The following HOXA3 variants were observed in gnomAD, a reference collection of about 807,000 sequenced individuals.
HOXA3 encodes homeobox A3.
Under a neutral mutation model 30.3 loss-of-function variants are expected in HOXA3, and 8 were observed. That is an observed-to-expected ratio of 0.26 (90% CI 0.15 to 0.48). The LOEUF is 0.48. Ranked by LOEUF, HOXA3 falls within the 20% of genes least tolerant of loss-of-function variation. The pLI, the probability that HOXA3 is intolerant of heterozygous loss-of-function variation, is 0.99. For synonymous variants in HOXA3, 323 were observed against 273.1 expected (o/e 1.18, Z -1.80); for missense variants, 653 against 614.4 (o/e 1.06, Z -0.66).
At chr7:27,143,804 CTAGAGG>C (rs1782659525) in intron 1 of HOXA3, 1 of 1,042,860 alleles carries the variant, frequency 9.6e-7, no homozygotes, top group African/African-American at 1.7e-5. Flanking sequence ...CTGATGACCT[CTAGAGG>C]TAAACTCGTG....
At chr7:27,148,408 C>CTCCCTCAT in intron 1 of HOXA3, among the ~76,000 whole-genome samples, 1 of 152,376 alleles carries the variant, frequency 6.6e-6, no homozygotes, top group East Asian at 1.9e-4. Flanking sequence ...AATCGGTGAA[C>CTCCCTCAT]TCCCTCATTC....
In HOXA3 at chr7:27,138,255, G is replaced by A. The variant is rs190376830; in HGVS notation, c.-390+1828C>T. Among the ~76,000 whole-genome samples, 88 of 152,298 alleles carry A rather than the reference G, an allele frequency of 5.8e-4. 1 individual carries two copies. The highest frequency in any genetic ancestry group is 1.4e-3 in the Admixed American group (22 of 15,306). On this transcript the variant is annotated intron_variant, in intron 2 of 5. Transcript: ENST00000612286. ...GATTCTTCACCTTGCCACTATTCAT[G>A]AGAAGTAGCACTTGTGGGAGGGTTT...
intron 3 of HOXA3, among the ~76,000 whole-genome samples, chr7:27,126,146 G>A (rs952337875): frequency 6.6e-6 from 1 of 152,174 alleles, no homozygotes; most frequent in Non-Finnish European, 1.5e-5. Flanking sequence ...ACTAGGGAAG[G>A]AAGCCTGCAA....
At chr7:27,138,930 G>C (rs1056279247) in intron 2 of HOXA3, among the ~76,000 whole-genome samples, 1 of 152,134 alleles carries the variant, frequency 6.6e-6, no homozygotes, top group Non-Finnish European at 1.5e-5. Context: ...CTTTTAAGTT[G>C]GGCACTGAAG....
chr7:27,108,086 G>T lies in HOXA3; in HGVS notation c.1161C>A (p.His387Gln), dbSNP rs765096151. The T allele has an allele frequency of 1.2e-6, 2 of 1,612,892 alleles. No individual in the cohort carries two copies. Among genetic ancestry groups the T allele is most frequent in the Non-Finnish European group, 1.7e-6 (2 of 1,179,184 alleles). The change falls in exon 6 of 6, where the codon CAC becomes CAA. Residue 387 changes from histidine to glutamine, a missense_variant. This residue lies in a region of HOXA3 where 330 missense variants were observed against 274.4 expected (regional missense o/e 1.20). Transcript: ENST00000612286. This position sits in a 1 kb window ranked among gnomAD's most constrained non-coding sequence, Gnocchi z 5.0. The part of the protein sequence containing the change: ...NSGPALFGLT[H>Q]LPHAASGAMD... Reference sequence around the variant, plus strand: ...TGGCGCCCGAGGCAGCGTGGGGGAGGTGAGTTAGACCAAAGAGGGCTGGCC... The same window carrying T: ...TGGCGCCCGAGGCAGCGTGGGGGAGTTGAGTTAGACCAAAGAGGGCTGGCC...
chr7:27,144,898 T>C (rs960450278), intron 1 of HOXA3, among the ~76,000 whole-genome samples: 10 of 152,202 alleles, frequency 6.6e-5, no homozygotes, highest in African/African-American at 2.4e-4. Context: ...CGTTGGGTCC[T>C]GAACGCTGCT....
At chr7:27,120,610 G>A (rs558071598) in intron 4 of HOXA3, among the ~76,000 whole-genome samples, 10 of 148,744 alleles carry the variant, frequency 6.7e-5, no homozygotes, top group East Asian at 2.0e-4. Flanking sequence ...ATGCCTTAAC[G>A]CCAGCAAAGC....
intron 2 of HOXA3, among the ~76,000 whole-genome samples, chr7:27,131,285 G>T (rs1457848340): frequency 6.6e-6 from 1 of 152,194 alleles, no homozygotes; most frequent in Non-Finnish European, 1.5e-5. Context: ...TTGGGACCGA[G>T]GGGCATCCTG....
chr7:27,108,503 C>A lies in HOXA3; in HGVS notation c.744G>T (p.Lys248Asn), dbSNP rs1214652095. Residue 248 changes from lysine to asparagine, a missense_variant, in exon 6 of 6, where the codon AAG becomes AAT. Physicochemically the swap from Lys to Asn is moderately conservative, Grantham distance 94. This residue lies in a region of HOXA3 where 330 missense variants were observed against 274.4 expected (regional missense o/e 1.20). Coordinates refer to ENST00000612286, the MANE Select transcript of HOXA3 (RefSeq NM_153631.3). This position sits in a 1 kb window ranked among gnomAD's most constrained non-coding sequence, Gnocchi z 5.0. ...TTAGCATGCCCTTGCCCTTCTGATC[C>A]TTTTTGTACTTCATGCGGCGATTCT... ...WFQNRRMKYK[K>N]DQKGKGMLTS... The A allele has an allele frequency of 6.8e-6, 11 of 1,614,118 alleles. No individual in the cohort carries two copies. Among genetic ancestry groups the A allele is most frequent in the Non-Finnish European group, 9.3e-6 (11 of 1,180,008 alleles).
At chr7:27,121,027 G>A (rs1166482923) in intron 4 of HOXA3, 3 of 152,246 alleles carry the variant, frequency 2.0e-5, no homozygotes, top group Admixed American at 1.3e-4. Context: ...AGCTGGCTTG[G>A]AAAAAGCAGG....
intron 1 of HOXA3, chr7:27,143,781 T>C: frequency 8.0e-7 from 1 of 1,244,630 alleles, no homozygotes; most frequent in Non-Finnish European, 1.1e-6. Context: ...TGTTGTCCAG[T>C]CGTAAATCCT....
In HOXA3 at chr7:27,107,758, G is replaced by C. The variant is rs1318706801; in HGVS notation, c.*157C>G. The C allele has an allele frequency of 5.7e-6, 3 of 530,416 alleles. No homozygotes were observed. Among genetic ancestry groups the C allele is most frequent in the Non-Finnish European group, 6.4e-6 (2 of 311,872 alleles). 32.9% of individuals were successfully genotyped at this position (530,416 alleles called of 1,614,324 possible). On this transcript the variant is annotated 3_prime_UTR_variant, in exon 6 of 6. Transcript: ENST00000612286. ...TAAACTATAAAAACGCCTTACCAAC[G>C]AGGGGGGAAACCGGGAAACGGAGTG... is the stretch of plus-strand genomic sequence containing the variant.
At chr7:27,116,470 G>A (rs1442835398) in intron 4 of HOXA3, 1 of 152,304 alleles carries the variant, frequency 6.6e-6, no homozygotes, top group Non-Finnish European at 1.5e-5. Flanking sequence ...AGCCTTTTTT[G>A]ATATCTAATA....
intron 2 of HOXA3, chr7:27,130,881 C>G (rs894933619): frequency 1.1e-5 from 9 of 792,086 alleles, no homozygotes; most frequent in Non-Finnish European, 1.7e-5. Context: ...CACTCCTCCC[C>G]CTCCCGCAGA....
At chr7:27,147,456 G>T in intron 1 of HOXA3, 1 of 1,614,204 alleles carries the variant, frequency 6.2e-7, no homozygotes, top group South Asian at 1.1e-5. Context: ...AGTCCCCGGG[G>T]CCCCTCTGCT....
intron 2 of HOXA3, chr7:27,130,000 A>T (rs1785453127): frequency 2.5e-6 from 3 of 1,219,498 alleles, no homozygotes; most frequent in South Asian, 2.7e-5. Flanking sequence ...AGCCCGGGTC[A>T]GATGGGGGCT....
At chr7:27,130,756 C>T in intron 2 of HOXA3, 1 of 1,593,948 alleles carries the variant, frequency 6.3e-7, no homozygotes, top group Admixed American at 1.7e-5. Flanking sequence ...TGCAAAAATA[C>T]TAATTTTTCT....
intron 4 of HOXA3, among the ~76,000 whole-genome samples, 196 bp from the exon 5 acceptor site, chr7:27,110,956 G>T (rs989788691): frequency 4.6e-5 from 7 of 151,596 alleles, no homozygotes; most frequent in South Asian, 2.1e-4. Context: ...TGCTTAACTT[G>T]CGTCTGGAGT....
rs550873075 is a variant in HOXA3, at chr7:27,127,563, C to T, written c.-389-493G>A. Reference sequence around the variant, plus strand: ...ATTACTACATTACTTAAAAGTTGCACTTTTTCAAGGCCAGGTGACAGTTCT... The same window carrying T: ...ATTACTACATTACTTAAAAGTTGCATTTTTTCAAGGCCAGGTGACAGTTCT... On this transcript the variant is annotated intron_variant, in intron 2 of 5. Coordinates refer to ENST00000612286, the MANE Select transcript of HOXA3 (RefSeq NM_153631.3). Among the ~76,000 whole-genome samples, 12 of 152,310 alleles carry T rather than the reference C, an allele frequency of 7.9e-5. No individual in the cohort carries two copies. In the South Asian group the frequency reaches 2.5e-3, roughly 32 times the overall value.
Sources: allele counts gnomAD v4.1 joint callset (sites outside exome capture counted in the v4.1 genomes callset), GRCh38; gene constraint gnomAD v4.1.1; regional missense constraint gnomAD v4.1.1; non-coding constraint Gnocchi (gnomAD v3.1); transcripts MANE v1.5; gene names NCBI Gene and HGNC (gene_info 2026-07-23, HGNC 2026-07-21).